Variants in IRAG1 observed in about 807,000 individuals in gnomAD.
IRAG1 encodes IP3R-associated cGMP kinase substrate.
A neutral mutation model predicts 106.2 loss-of-function variants in IRAG1; 62 were observed. That is an observed-to-expected ratio of 0.58 (90% CI 0.48 to 0.72). The LOEUF (loss-of-function observed/expected upper bound fraction) is 0.72. Ranked by LOEUF, IRAG1 falls within the 30% of genes least tolerant of loss-of-function variation. The probability of loss-of-function intolerance (pLI) is 0.00; values close to 1 mark genes in which losing one functional copy is unlikely to be tolerated. For synonymous variants in IRAG1, 462 were observed against 443.9 expected (o/e 1.04, Z -0.51); for missense variants, 1,064 against 1,140.7 (o/e 0.93, Z 0.97).
intron 10 of IRAG1, among the ~76,000 whole-genome samples, chr11:10,615,482 C>A (rs1033592360): frequency 9.2e-5 from 14 of 152,270 alleles, no homozygotes; most frequent in African/African-American, 2.9e-4. Context: ...CACATGCACA[C>A]GTATGTTTAT....
chr11:10,630,367 CT>C (rs55806146), intron 4 of IRAG1, among the ~76,000 whole-genome samples: 57,875 of 143,062 alleles, frequency 0.4, 12,193 homozygotes, highest in East Asian at 0.67. Flanking sequence ...CTCATTAGCT[CT>C]TTTTTTTTTT....
intron 10 of IRAG1, among the ~76,000 whole-genome samples, chr11:10,615,664 C>T (rs1855339122): frequency 1.3e-5 from 2 of 152,004 alleles, no homozygotes; most frequent in Admixed American, 1.3e-4. Flanking sequence ...CCATCATTCT[C>T]AGCAAACTAT....
At chr11:10,591,722 C>T in intron 17 of IRAG1, 110 bp from the exon 18 acceptor site, 1 of 945,402 alleles carries the variant, frequency 1.1e-6, no homozygotes, top group Non-Finnish European at 1.7e-6. Flanking sequence ...TCTCCTCTTT[C>T]CTCCATGCCC....
intron 20 of IRAG1, 66 bp downstream of exon 20, chr11:10,580,389 T>G: frequency 6.4e-7 from 1 of 1,569,572 alleles, no homozygotes; most frequent in Non-Finnish European, 8.6e-7. Flanking sequence ...ATTTTGTGCA[T>G]TTAAATTAGA....
intron 18 of IRAG1, among the ~76,000 whole-genome samples, chr11:10,583,663 A>T (rs1199614757): frequency 6.6e-6 from 1 of 152,176 alleles, no homozygotes; most frequent in Non-Finnish European, 1.5e-5. Context: ...GAGGATGCAC[A>T]TTTGAATGTA....
At chr11:10,636,658 AG>A (rs1217054167) in intron 2 of IRAG1, among the ~76,000 whole-genome samples, 3 of 152,262 alleles carry the variant, frequency 2.0e-5, no homozygotes, top group African/African-American at 7.2e-5. Context: ...CAAGGGATAC[AG>A]GGAAGTAACT....
intron 8 of IRAG1, 22 bp downstream of exon 8, chr11:10,627,694 A>C: frequency 6.2e-7 from 1 of 1,613,870 alleles, no homozygotes; most frequent in Non-Finnish European, 8.5e-7. Flanking sequence ...AATCATCCAA[A>C]GGGAGCAAAG....
intron 10 of IRAG1, among the ~76,000 whole-genome samples, chr11:10,610,420 C>T (rs532764479): frequency 1.3e-5 from 2 of 152,306 alleles, no homozygotes; most frequent in African/African-American, 2.4e-5. Context: ...AGACAATGAA[C>T]AGCTTTTTGT....
chr11:10,614,107 T>TACC (rs1855199391), intron 10 of IRAG1, among the ~76,000 whole-genome samples: 1 of 152,190 alleles, frequency 6.6e-6, no homozygotes, highest in Non-Finnish European at 1.5e-5. Flanking sequence ...ACCCTGCCTC[T>TACC]ACCTTTCCTT....
chr11:10,602,179 T>C (rs1854086324), intron 14 of IRAG1, among the ~76,000 whole-genome samples: 1 of 152,230 alleles, frequency 6.6e-6, no homozygotes, highest in Non-Finnish European at 1.5e-5. Flanking sequence ...GTCCTTGTCC[T>C]GAAGGACACA....
chr11:10,623,907 G>T (rs545081889), intron 9 of IRAG1, 51 bp from the exon 10 acceptor site: 1 of 1,536,370 alleles, frequency 6.5e-7, no homozygotes, highest in South Asian at 1.1e-5. Flanking sequence ...CACTGGGCTG[G>T]GCTGTTCTCT....
intron 18 of IRAG1, among the ~76,000 whole-genome samples, chr11:10,588,341 CTTTT>C (rs368074962): frequency 6.8e-6 from 1 of 146,230 alleles, no homozygotes; most frequent in African/African-American, 2.5e-5. Flanking sequence ...TAGAGGGAAA[CTTTT>C]TTTTTTTTGT....
At chr11:10,679,594 CAGA>C (rs1183863544) in intron 1 of IRAG1, among the ~76,000 whole-genome samples, 2 of 152,192 alleles carry the variant, frequency 1.3e-5, no homozygotes. Flanking sequence ...GCCTCTCAGG[CAGA>C]AGGTTTGTGA....
intron 1 of IRAG1, among the ~76,000 whole-genome samples, chr11:10,681,700 G>C (rs1053577511): frequency 1.3e-5 from 2 of 152,192 alleles, no homozygotes; most frequent in African/African-American, 4.8e-5. Flanking sequence ...CTACAACTCA[G>C]GACCACTGCT....
At chr11:10,638,618 T>C (rs1191187030) in intron 2 of IRAG1, among the ~76,000 whole-genome samples, 2 of 152,262 alleles carry the variant, frequency 1.3e-5, no homozygotes, top group Non-Finnish European at 2.9e-5. Context: ...AGAGAATTTC[T>C]TTCTTGTATG....
intron 2 of IRAG1, among the ~76,000 whole-genome samples, chr11:10,639,235 T>TAAACACTATCTA (rs1221756296): frequency 7.9e-5 from 12 of 152,238 alleles, no homozygotes; most frequent in African/African-American, 2.9e-4. Flanking sequence ...TTATTTTTAA[T>TAAACACTATCTA]CTTATTGACA....
Position 10,603,160 on chromosome 11 carries a change from C to T in IRAG1, c.1835G>A (p.Arg612His), listed in dbSNP as rs774827360. 41 of 1,607,544 alleles carry T rather than the reference C, an allele frequency of 2.6e-5. 1 individual carries two copies. The highest frequency in any genetic ancestry group is 8.0e-5 in the African/African-American group (6 of 74,810). Residue 612 changes from arginine to histidine, a missense_variant, in exon 14 of 21, where the codon CGC becomes CAC. Coordinates refer to ENST00000423302, the MANE Select transcript of IRAG1 (RefSeq NM_130385.4). ...TACCACCTCAGCTCGGCTGGAGAGG[C>T]GGGCAGCCAGGCGGTGCAGGACAGC... ...DIAVLHRLAARLSSRAEVVGA... is the reference protein window; with the variant it reads ...DIAVLHRLAAHLSSRAEVVGA...
At chr11:10,651,559 A>G (rs1465942058) in intron 2 of IRAG1, among the ~76,000 whole-genome samples, 1 of 152,234 alleles carries the variant, frequency 6.6e-6, no homozygotes, top group Admixed American at 6.5e-5. Flanking sequence ...CTTTAAATTA[A>G]TCTGCTTTCA....
chr11:10,684,349 T>C (rs1474319783), intron 1 of IRAG1, among the ~76,000 whole-genome samples: 1 of 151,934 alleles, frequency 6.6e-6, no homozygotes, highest in East Asian at 1.9e-4. Flanking sequence ...CAGTAAACTA[T>C]TGCAAGGACA....
Sources: gnomAD v4.1 joint callset for allele counts (sites outside exome capture counted in the v4.1 genomes callset) on GRCh38, gnomAD v4.1.1 for gene constraint, MANE v1.5 for transcripts, NCBI Gene and HGNC (gene_info 2026-07-23, HGNC 2026-07-21) for gene names.